Variants in A4GALT observed in about 807,000 individuals in gnomAD.
The protein encoded by A4GALT is lactosylceramide 4-alpha-galactosyltransferase.
For synonymous variants in A4GALT, 257 were observed against 220.7 expected (o/e 1.16, Z -1.46); for missense variants, 512 against 486.0 (o/e 1.05, Z -0.50).
At position 42,692,631 on chromosome 22, in the gene A4GALT, T is replaced by G; in HGVS notation, c.*259A>C. 3.2e-6 allele frequency: 2 copies of G among 623,592 alleles called. No individual in the cohort carries two copies. The highest frequency in any genetic ancestry group is 2.1e-5 in the Admixed American group (1 of 47,320). 38.6% of individuals were successfully genotyped at this position (623,592 alleles called of 1,614,324 possible). A position where few individuals can be genotyped will look rare whatever the true frequency, so the allele number is the denominator to read the frequency against. On this transcript the variant is annotated 3_prime_UTR_variant, in exon 3 of 3. Coordinates refer to ENST00000642412, the MANE Select transcript of A4GALT (RefSeq NM_017436.7). This position sits in a 1 kb window ranked among gnomAD's most constrained non-coding sequence, Gnocchi z 4.6. ...CCCTGAGGTTCATCCTTCCTGCCTG[T>G]TGTCTAGAAGGCCCGGGGCACTCAC...
At chr22:42,709,067 A>ATATATATATATATT (rs1180529043) in intron 1 of A4GALT, among the ~76,000 whole-genome samples, 53 of 128,828 alleles carry the variant, frequency 4.1e-4, no homozygotes, top group South Asian at 1.8e-3. Context: ...ATATATATAT[A>ATATATATATATATT]TTTTTTTTAA....
chr22:42,720,197 C>A (rs553124064), intron 1 of A4GALT, among the ~76,000 whole-genome samples: 1 of 142,308 alleles, frequency 7.0e-6, no homozygotes, highest in South Asian at 2.2e-4. Context: ...AACCGGCTCG[C>A]CCCGTGCCCA....
At chr22:42,711,898 C>A (rs1050983849) in intron 1 of A4GALT, among the ~76,000 whole-genome samples, 9 of 152,166 alleles carry the variant, frequency 5.9e-5, no homozygotes, top group Admixed American at 5.9e-4. Context: ...GCTAGGATCA[C>A]AGGCGTGAGC....
intron 1 of A4GALT, among the ~76,000 whole-genome samples, chr22:42,706,468 C>A (rs1185922273): frequency 6.6e-6 from 1 of 150,506 alleles, no homozygotes; most frequent in South Asian, 2.1e-4. Flanking sequence ...ATTCAAGAGA[C>A]ATACCTTAAA....
intron 1 of A4GALT, among the ~76,000 whole-genome samples, chr22:42,708,222 T>C (rs944917014): frequency 1.3e-5 from 2 of 151,858 alleles, no homozygotes; most frequent in African/African-American, 4.8e-5. Flanking sequence ...ACCCCATCTC[T>C]ACTAAAAATA....
chr22:42,703,081 GTGTGAGAGAGAGCATGCTGCCCCAC>G, intron 1 of A4GALT, among the ~76,000 whole-genome samples: 3 of 143,402 alleles, frequency 2.1e-5, no homozygotes, highest in African/African-American at 8.6e-5. Context: ...GTGTGTGTGT[GTGTGAGAGAGAGCATGCTGCCCCAC>G]TGTGTGTGTG....
chr22:42,695,839 A>AG (rs1446546517), intron 1 of A4GALT, among the ~76,000 whole-genome samples: 4 of 152,106 alleles, frequency 2.6e-5, no homozygotes, highest in Non-Finnish European at 4.4e-5. Context: ...CTTTCCCTAA[A>AG]GGAGTTCTCA....
intron 1 of A4GALT, among the ~76,000 whole-genome samples, chr22:42,709,067 A>ATATATATATATATAT (rs1180529043): frequency 7.8e-6 from 1 of 128,806 alleles, no homozygotes; most frequent in African/African-American, 2.8e-5. Context: ...ATATATATAT[A>ATATATATATATATAT]TTTTTTTTAA....
intron 1 of A4GALT, among the ~76,000 whole-genome samples, chr22:42,706,088 G>C (rs1170743418): frequency 1.8e-5 from 2 of 113,320 alleles, no homozygotes; most frequent in Non-Finnish European, 4.0e-5. Flanking sequence ...GGGTGCGGTG[G>C]CTCACGCCTG....
At chr22:42,716,196 G>A (rs1315638238) in intron 1 of A4GALT, among the ~76,000 whole-genome samples, 1 of 152,098 alleles carries the variant, frequency 6.6e-6, no homozygotes, top group Non-Finnish European at 1.5e-5. Context: ...TCCTACTCCA[G>A]GCTCAGGGCA....
intron 1 of A4GALT, among the ~76,000 whole-genome samples, chr22:42,716,662 G>A (rs1384013352): frequency 6.6e-6 from 1 of 152,102 alleles, no homozygotes; most frequent in African/African-American, 2.4e-5. Flanking sequence ...CAGGGCTAGG[G>A]GCTCAATCTC....
intron 1 of A4GALT, among the ~76,000 whole-genome samples, chr22:42,719,961 G>C (rs1922555198): frequency 6.6e-6 from 1 of 152,212 alleles, no homozygotes; most frequent in East Asian, 1.9e-4. Context: ...CAGAGGCTCA[G>C]CCGAGACTAT....
At chr22:42,710,626 G>C (rs945797464) in intron 1 of A4GALT, among the ~76,000 whole-genome samples, 2 of 152,084 alleles carry the variant, frequency 1.3e-5, no homozygotes, top group African/African-American at 2.4e-5. Context: ...GAGCCCAGGA[G>C]GGGGAGGCTG....
At chr22:42,709,529 C>T (rs554623911) in intron 1 of A4GALT, among the ~76,000 whole-genome samples, 1 of 152,078 alleles carries the variant, frequency 6.6e-6, no homozygotes, top group African/African-American at 2.4e-5. Flanking sequence ...GTGGCTCGTG[C>T]CTGTAATCCC....
chr22:42,701,358 C>T (rs887046882), intron 1 of A4GALT, among the ~76,000 whole-genome samples: 1 of 152,138 alleles, frequency 6.6e-6, no homozygotes, highest in African/African-American at 2.4e-5. Context: ...AGCTGGATCC[C>T]AGACTCAGAC....
At chr22:42,700,792 G>C (rs1336653241) in intron 1 of A4GALT, among the ~76,000 whole-genome samples, 1 of 152,228 alleles carries the variant, frequency 6.6e-6, no homozygotes, top group Non-Finnish European at 1.5e-5. Context: ...CCAGCCCACG[G>C]AACAGGCCCT....
intron 1 of A4GALT, among the ~76,000 whole-genome samples, chr22:42,704,532 G>A (rs535417660): frequency 3.3e-5 from 5 of 151,504 alleles, no homozygotes; most frequent in African/African-American, 1.2e-4. Context: ...AAAAAGAAGG[G>A]CTGAAGGGCT....
At chr22:42,701,245 C>T (rs933967113) in intron 1 of A4GALT, among the ~76,000 whole-genome samples, 3 of 152,192 alleles carry the variant, frequency 2.0e-5, no homozygotes, top group Admixed American at 6.5e-5. Context: ...GGCCCTGCCA[C>T]GTGCCCACAA....
intron 1 of A4GALT, among the ~76,000 whole-genome samples, chr22:42,702,780 G>A (rs1388857541): frequency 1.4e-5 from 2 of 143,626 alleles, no homozygotes; most frequent in Admixed American, 6.6e-5. Context: ...AAGGTGGAAC[G>A]CCCACCGGGT....
Sources: allele counts gnomAD v4.1 joint callset (sites outside exome capture counted in the v4.1 genomes callset), GRCh38; gene constraint gnomAD v4.1.1; non-coding constraint Gnocchi (gnomAD v3.1); transcripts MANE v1.5; gene names NCBI Gene and HGNC (gene_info 2026-07-23, HGNC 2026-07-21).